CHRNB3: variants seen among roughly 807,000 people sequenced by gnomAD.
The protein encoded by CHRNB3 is cholinergic receptor nicotinic beta 3 subunit.
Under a neutral mutation model 40.6 loss-of-function variants are expected in CHRNB3, and 37 were observed. The observed-to-expected ratio is 0.91, with a 90% CI of 0.70 to 1.20. CHRNB3 has a LOEUF of 1.20. CHRNB3 is among the 50% of genes most tolerant of loss of function. CHRNB3 has a pLI of 0.00. For missense variants in CHRNB3, 505 were observed against 551.2 expected, an observed-to-expected ratio of 0.92 and a Z score of 0.84; for synonymous variants, 207 against 207.1, an observed-to-expected ratio of 1.00 and a Z score of 0.00.
At chr8:42,711,591 C>T (rs62516746) in intron 3 of CHRNB3, among the ~76,000 whole-genome samples, 4,874 of 152,120 alleles carry the variant, frequency 0.032, 122 homozygotes, top group Middle Eastern at 0.11. Context: ...AACAGGGTTT[C>T]ACCATGTTGG....
intron 1 of CHRNB3, among the ~76,000 whole-genome samples, chr8:42,703,422 TA>T (rs1202825994): frequency 0.023 from 599 of 26,462 alleles, 43 homozygotes; most frequent in African/African-American, 0.032. Context: ...AGACTTCGTC[TA>T]AAAAAAAAAA....
chr8:42,728,831 G>T (rs1816351751), intron 3 of CHRNB3, among the ~76,000 whole-genome samples: 1 of 152,246 alleles, frequency 6.6e-6, no homozygotes, highest in East Asian at 1.9e-4. Flanking sequence ...GAATTTTATT[G>T]TAAGTAAATT....
chr8:42,723,695 A>C (rs796870216), intron 3 of CHRNB3, among the ~76,000 whole-genome samples: 22 of 152,274 alleles, frequency 1.4e-4, no homozygotes, highest in African/African-American at 5.3e-4. Flanking sequence ...GCAGCCTTGA[A>C]TCCCGTTTCC....
chr8:42,731,590 A>T, intron 4 of CHRNB3, 77 bp from the exon 5 acceptor site: 2 of 1,402,902 alleles, frequency 1.4e-6, no homozygotes, highest in Non-Finnish European at 1.9e-6. Flanking sequence ...TAAAACAGAA[A>T]TAGTCAATGC....
intron 1 of CHRNB3, among the ~76,000 whole-genome samples, chr8:42,702,663 T>C (rs1815830418): frequency 6.6e-6 from 1 of 151,858 alleles, no homozygotes; most frequent in Admixed American, 6.6e-5. Flanking sequence ...CTTGGGAGGC[T>C]GAGGAAGGAG....
At chr8:42,729,110 T>C (rs1040520991) in intron 3 of CHRNB3, among the ~76,000 whole-genome samples, 2 of 152,084 alleles carry the variant, frequency 1.3e-5, no homozygotes, top group Admixed American at 1.3e-4. Flanking sequence ...TGATTTCCCA[T>C]AAATATCATG....
chr8:42,712,741 C>T (rs1039472108), intron 3 of CHRNB3, among the ~76,000 whole-genome samples: 4 of 151,902 alleles, frequency 2.6e-5, no homozygotes, highest in African/African-American at 9.7e-5. Flanking sequence ...TTCAAGTTTG[C>T]AGGGGAGAAA....
At chr8:42,703,435 A>AAAAAAAAAAAATATATATAT in intron 1 of CHRNB3, among the ~76,000 whole-genome samples, 1 of 47,400 alleles carries the variant, frequency 2.1e-5, no homozygotes, top group Non-Finnish European at 4.6e-5. Flanking sequence ...AAAAAAAAAA[A>AAAAAAAAAAAATATATATAT]ATATTTATAT....
intron 1 of CHRNB3, 85 bp downstream of exon 1, chr8:42,697,683 G>T (rs1410183178): frequency 6.0e-6 from 6 of 999,376 alleles, no homozygotes; most frequent in Non-Finnish European, 9.6e-6. Flanking sequence ...GATAATGTTA[G>T]AATTACAATA....
chr8:42,701,468 C>T (rs1270542334), intron 1 of CHRNB3, among the ~76,000 whole-genome samples: 1 of 151,888 alleles, frequency 6.6e-6, no homozygotes, highest in Non-Finnish European at 1.5e-5. Context: ...CACATGAGCC[C>T]AGGAGGTTGA....
intron 3 of CHRNB3, among the ~76,000 whole-genome samples, chr8:42,722,341 G>C (rs1335873505): frequency 6.6e-6 from 1 of 151,652 alleles, no homozygotes; most frequent in African/African-American, 2.4e-5. Context: ...CTCCAGCCTG[G>C]GCGACAGAGT....
Position 42,736,865 on chromosome 8 carries a change from G to C in CHRNB3, c.*247G>C. On this transcript the variant is annotated 3_prime_UTR_variant, in exon 6 of 6. Coordinates refer to ENST00000289957, the MANE Select transcript of CHRNB3 (RefSeq NM_000749.5). ...CTTGGCTTTCCCAGACATTCAGGGA[G>C]GGATCATAGGTCCAGGCTTGAGCTC... The C allele has an allele frequency of 1.9e-6, 1 of 538,796 alleles. No homozygotes were observed. The highest frequency in any genetic ancestry group is 3.3e-6 in the Non-Finnish European group (1 of 304,280). 33.4% of individuals were successfully genotyped at this position (538,796 alleles called of 1,614,324 possible). A position where few individuals can be genotyped will look rare whatever the true frequency, so the allele number is the denominator to read the frequency against.
At chr8:42,710,535 G>A (rs1815997688) in intron 3 of CHRNB3, 101 bp downstream of exon 3, 1 of 915,054 alleles carries the variant, frequency 1.1e-6, no homozygotes, top group Admixed American at 2.5e-5. Context: ...GGCATATTGT[G>A]TTCCTCAGGG....
At chr8:42,707,406 GT>G (rs1554589725) in intron 1 of CHRNB3, among the ~76,000 whole-genome samples, 1 of 152,210 alleles carries the variant, frequency 6.6e-6, no homozygotes, top group Non-Finnish European at 1.5e-5. Flanking sequence ...TCAGGACATG[GT>G]GCAGAATGAG....
rs1244134576 is a variant in CHRNB3 at position 42,732,310 on chromosome 8, G to A, written c.1003G>A (p.Val335Ile). The A allele has an allele frequency of 6.2e-7, 1 of 1,606,898 alleles. No homozygotes were observed. The highest frequency in any genetic ancestry group is 8.5e-7 in the Non-Finnish European group (1 of 1,178,062). The change falls in exon 5 of 6, where the codon GTT (valine) becomes ATT (isoleucine). Residue 335 changes from valine to isoleucine, a missense_variant. Physicochemically the swap from Val to Ile is conservative, Grantham distance 29. Coordinates refer to ENST00000289957, the MANE Select transcript of CHRNB3 (RefSeq NM_000749.5). ...CACGTACCACCCCATGGCCCCCTGG[G>A]TTAAGAGGCTCTTTCTGCAGAAACT... ...SSTYHPMAPWVKRLFLQKLPK... is the reference protein window; with the variant it reads ...SSTYHPMAPWIKRLFLQKLPK...
chr8:42,710,247 G>T, intron 2 of CHRNB3, 143 bp from the exon 3 acceptor site: 1 of 654,260 alleles, frequency 1.5e-6, no homozygotes, highest in Non-Finnish European at 2.7e-6. Flanking sequence ...GAGCCCCGGA[G>T]GTTGAGGGTG....
At chr8:42,719,552 T>C (rs1816182308) in intron 3 of CHRNB3, among the ~76,000 whole-genome samples, 2 of 151,908 alleles carry the variant, frequency 1.3e-5, no homozygotes, top group Admixed American at 1.3e-4. Flanking sequence ...GAGGCTGAGG[T>C]TGGAAGATGG....
chr8:42,735,538 A>G (rs1586414454), intron 5 of CHRNB3, among the ~76,000 whole-genome samples: 1 of 152,202 alleles, frequency 6.6e-6, no homozygotes, highest in East Asian at 1.9e-4. Context: ...GTCTCAAAAA[A>G]GCAAAACAAA....
intron 1 of CHRNB3, among the ~76,000 whole-genome samples, chr8:42,706,468 C>A (rs1484436987): frequency 6.6e-6 from 1 of 152,048 alleles, no homozygotes; most frequent in Non-Finnish European, 1.5e-5. Context: ...AGTGCAGGAG[C>A]CCAAGAGAGA....
Sources: gnomAD v4.1 joint callset for allele counts (sites outside exome capture counted in the v4.1 genomes callset) on GRCh38, gnomAD v4.1.1 for gene constraint, MANE v1.5 for transcripts, NCBI Gene and HGNC (gene_info 2026-07-23, HGNC 2026-07-21) for gene names.